Variants in CCDC13 observed in about 807,000 individuals in gnomAD.
CCDC13 encodes the protein coiled-coil domain-containing protein 13.
Under a neutral mutation model 87.3 loss-of-function variants are expected in CCDC13, and 70 were observed. The observed-to-expected ratio is 0.80, with a 90% CI of 0.66 to 0.98. The LOEUF (loss-of-function observed/expected upper bound fraction) is 0.98, where lower values mean the gene tolerates loss of function less well. CCDC13 is among the 50% of genes least tolerant of loss of function. The pLI is 0.00. For missense variants in CCDC13, 842 were observed against 892.0 expected, an observed-to-expected ratio of 0.94 and a Z score of 0.71; for synonymous variants, 317 against 360.3, an observed-to-expected ratio of 0.88 and a Z score of 1.36.
chr3:42,769,303 T>A lies in CCDC13; in HGVS notation c.-7+3873A>T, dbSNP rs570810643. On this transcript the variant is annotated intron_variant, in intron 1 of 15. Transcript: ENST00000310232. ...AGATACCATTACATACCTATTAGAA[T>A]GGCTAGAATCCAAAACATTGACAAC... 2.2e-4 allele frequency among the ~76,000 whole-genome samples: 34 copies of A among 152,184 alleles called. 1 individual carries two copies. Among genetic ancestry groups the A allele is most frequent in the Non-Finnish European group, 4.0e-4 (27 of 68,036 alleles).
chr3:42,772,949 A>C (rs929381847), intron 1 of CCDC13, among the ~76,000 whole-genome samples: 14 of 152,248 alleles, frequency 9.2e-5, no homozygotes, highest in Admixed American at 9.2e-4. Flanking sequence ...TCATTAACCC[A>C]TGTACTGCAT....
At chr3:42,739,596 C>A (rs780065622) in intron 9 of CCDC13, 38 bp downstream of exon 9, 7 of 1,593,036 alleles carry the variant, frequency 4.4e-6, no homozygotes, top group African/African-American at 2.7e-5. Flanking sequence ...TGAGGAACCA[C>A]CCCTGGCTCT....
At chr3:42,712,410 C>A (rs912566167) in intron 14 of CCDC13, among the ~76,000 whole-genome samples, 2 of 152,178 alleles carry the variant, frequency 1.3e-5, no homozygotes, top group African/African-American at 2.4e-5. Flanking sequence ...CCCAGCCCCA[C>A]AGGATGCTGA....
chr3:42,739,548 G>C (rs1406591823), intron 9 of CCDC13, 86 bp downstream of exon 9: 3 of 1,454,244 alleles, frequency 2.1e-6, no homozygotes, highest in Non-Finnish European at 2.8e-6. Flanking sequence ...TGAGGGGTGA[G>C]TGAGGGCTCA....
intron 1 of CCDC13, among the ~76,000 whole-genome samples, chr3:42,772,749 G>C (rs1220718271): frequency 6.6e-6 from 1 of 152,148 alleles, no homozygotes; most frequent in Non-Finnish European, 1.5e-5. Context: ...CCAGTCCTGT[G>C]GGGGCTGGGC....
At chr3:42,715,517 T>C (rs1575271353) in intron 13 of CCDC13, among the ~76,000 whole-genome samples, 1 of 151,074 alleles carries the variant, frequency 6.6e-6, no homozygotes, top group South Asian at 2.1e-4. Context: ...AAGGCTGAGG[T>C]AGGAGGACCA....
At chr3:42,749,790 G>T (rs1017476220) in intron 5 of CCDC13, 2 of 448,946 alleles carry the variant, frequency 4.5e-6, no homozygotes, top group Non-Finnish European at 9.0e-6. Context: ...GCAGTACATG[G>T]GGAGCAGATG....
intron 13 of CCDC13, among the ~76,000 whole-genome samples, chr3:42,720,154 A>G (rs1698527269): frequency 1.3e-5 from 2 of 152,206 alleles, no homozygotes; most frequent in African/African-American, 4.8e-5. Flanking sequence ...GGAATTAGCC[A>G]TGCCCCCTAG....
chr3:42,730,263 G>A (rs1006474935), intron 13 of CCDC13, among the ~76,000 whole-genome samples: 9 of 152,160 alleles, frequency 5.9e-5, no homozygotes, highest in South Asian at 2.1e-4. Context: ...GGTGCATGTA[G>A]AATGGGGCTG....
At chr3:42,760,604 A>G (rs1448254155) in intron 1 of CCDC13, among the ~76,000 whole-genome samples, 11 of 151,888 alleles carry the variant, frequency 7.2e-5, no homozygotes, top group Non-Finnish European at 1.5e-4. Flanking sequence ...GCGAGGTTGC[A>G]GTGAGCCAAG....
chr3:42,728,126 GTTTTCAGACAA>G (rs977201365), intron 13 of CCDC13, among the ~76,000 whole-genome samples: 7 of 152,222 alleles, frequency 4.6e-5, no homozygotes, highest in Non-Finnish European at 1.0e-4. Context: ...GAAAGAACTT[GTTTTCAGACAA>G]TGGACAACAG....
chr3:42,733,710 T>C (rs996750084), intron 10 of CCDC13, 101 bp from the exon 11 acceptor site: 20 of 1,416,768 alleles, frequency 1.4e-5, no homozygotes, highest in African/African-American at 2.9e-5. Context: ...TCAGAGGATA[T>C]GAAAGAGGCT....
intron 1 of CCDC13, among the ~76,000 whole-genome samples, chr3:42,768,863 C>T (rs1417582534): frequency 6.7e-6 from 1 of 148,320 alleles, no homozygotes; most frequent in Admixed American, 6.7e-5. Context: ...CAAGGCCGGG[C>T]ATGGTGGCTC....
chr3:42,760,520 G>A (rs1212405299), intron 1 of CCDC13, among the ~76,000 whole-genome samples: 1 of 152,004 alleles, frequency 6.6e-6, no homozygotes, highest in Non-Finnish European at 1.5e-5. Context: ...AGGAGGCTAA[G>A]GCAGGAGAAT....
In CCDC13 at chr3:42,758,278, T is replaced by C. The variant is rs1447245181; in HGVS notation, c.68A>G (p.His23Arg). The C allele has an allele frequency of 6.2e-7, 1 of 1,613,640 alleles. No individual in the cohort carries two copies. Among genetic ancestry groups the C allele is most frequent in the Admixed American group, 1.7e-5 (1 of 60,028 alleles). The change falls in exon 2 of 16, where the codon CAC becomes CGC. Residue 23 changes from histidine to arginine, a missense_variant. By Grantham distance (29) the His-to-Arg change is conservative. Coordinates refer to ENST00000310232, the MANE Select transcript of CCDC13 (RefSeq NM_144719.4). Reference protein sequence around the residue: ...LQFKAMQEMQHKRLQKQMEKK... With the variant: ...LQFKAMQEMQRKRLQKQMEKK... The stretch of plus-strand genomic sequence containing the variant: ...CTCCATCTGCTTCTGTAACCGTTTG[T>C]GCTGCATCTCCTGCATTGCCTTGAA...
intron 5 of CCDC13, 115 bp from the exon 6 acceptor site, chr3:42,747,488 A>T (rs1699445404): frequency 4.0e-6 from 3 of 758,390 alleles, no homozygotes; most frequent in Non-Finnish European, 6.7e-6. Context: ...TTTGACATGG[A>T]AGAACTCATT....
At chr3:42,727,816 C>T (rs1460061713) in intron 13 of CCDC13, among the ~76,000 whole-genome samples, 1 of 152,080 alleles carries the variant, frequency 6.6e-6, no homozygotes, top group Non-Finnish European at 1.5e-5. Context: ...GAATATCTAA[C>T]TTCCAAACTT....
At chr3:42,732,229 C>G (rs1291654491) in intron 12 of CCDC13, among the ~76,000 whole-genome samples, 3 of 152,180 alleles carry the variant, frequency 2.0e-5, no homozygotes, top group African/African-American at 7.2e-5. Context: ...AGCATGCTGT[C>G]CCCCACTTTT....
At chr3:42,754,940 C>T (rs776332294) in intron 3 of CCDC13, among the ~76,000 whole-genome samples, 34 of 152,220 alleles carry the variant, frequency 2.2e-4, no homozygotes, top group Non-Finnish European at 3.2e-4. Flanking sequence ...CACAGAAATG[C>T]TAACTATCTG....
Sources: gnomAD v4.1 joint callset for allele counts (sites outside exome capture counted in the v4.1 genomes callset) on GRCh38, gnomAD v4.1.1 for gene constraint, MANE v1.5 for transcripts, NCBI Gene and HGNC (gene_info 2026-07-23, HGNC 2026-07-21) for gene names.